The following PACRG variants were observed in gnomAD, a reference collection of about 807,000 sequenced individuals.
PACRG encodes the protein parkin coregulated gene protein.
In PACRG, 29 loss-of-function variants were observed where a neutral mutation model predicts 29.7. The observed-to-expected ratio is 0.98, with a 90% CI of 0.73 to 1.33. The LOEUF (loss-of-function observed/expected upper bound fraction) is 1.33, where lower values mean the gene tolerates loss of function less well. PACRG is among the 40% of genes most tolerant of loss of function. The probability of loss-of-function intolerance (pLI) is 0.00; values close to 1 mark genes in which losing one functional copy is unlikely to be tolerated. For synonymous variants in PACRG, 116 were observed against 118.7 expected (o/e 0.98, Z 0.15); for missense variants, 279 against 316.2 (o/e 0.88, Z 0.89).
At chr6:163,102,367 A>C (rs983967958) in intron 4 of PACRG, among the ~76,000 whole-genome samples, 1 of 152,196 alleles carries the variant, frequency 6.6e-6, no homozygotes, top group East Asian at 1.9e-4. Context: ...CTCTTAGCTA[A>C]TGAAACAGTG....
At chr6:162,917,136 G>C (rs890789303) in intron 2 of PACRG, among the ~76,000 whole-genome samples, 3 of 152,266 alleles carry the variant, frequency 2.0e-5, no homozygotes, top group South Asian at 2.1e-4. Flanking sequence ...AATTATCCAT[G>C]TTATTTTGAG....
At chr6:163,144,552 T>C (rs1777718360) in intron 4 of PACRG, among the ~76,000 whole-genome samples, 1 of 152,088 alleles carries the variant, frequency 6.6e-6, no homozygotes. Context: ...GTGGATCACC[T>C]GAGGTCAGGA....
chr6:162,766,216 C>T (rs974044689), intron 1 of PACRG, among the ~76,000 whole-genome samples: 1 of 152,174 alleles, frequency 6.6e-6, no homozygotes, highest in Admixed American at 6.5e-5. Flanking sequence ...AACGCCTCCT[C>T]TTTCCCTGCC....
intron 2 of PACRG, among the ~76,000 whole-genome samples, chr6:162,974,178 AG>A: frequency 1.3e-5 from 2 of 152,204 alleles, no homozygotes; most frequent in African/African-American, 4.8e-5. Flanking sequence ...GTTTCAACAC[AG>A]CTGTCCTTTC....
At chr6:163,286,215 C>A (rs1207761779) in intron 4 of PACRG, among the ~76,000 whole-genome samples, 4 of 152,120 alleles carry the variant, frequency 2.6e-5, no homozygotes, top group Non-Finnish European at 5.9e-5. Context: ...GAGCTCACAT[C>A]TGTTACAATT....
chr6:162,852,481 G>A (rs1420626963), intron 2 of PACRG, among the ~76,000 whole-genome samples: 1 of 152,220 alleles, frequency 6.6e-6, no homozygotes, highest in African/African-American at 2.4e-5. Context: ...AATTTGTCCT[G>A]AACCCTGGCA....
intron 2 of PACRG, among the ~76,000 whole-genome samples, chr6:162,887,149 C>T (rs1794405916): frequency 6.6e-6 from 1 of 152,194 alleles, no homozygotes; most frequent in African/African-American, 2.4e-5. Flanking sequence ...CATGTGCTCA[C>T]CATCATAAGG....
intron 4 of PACRG, among the ~76,000 whole-genome samples, chr6:163,155,185 C>A (rs1778261302): frequency 6.6e-6 from 1 of 152,174 alleles, no homozygotes; most frequent in Admixed American, 6.5e-5. Flanking sequence ...AGTGAATGCC[C>A]AAACAGGCAT....
At chr6:163,172,032 C>T (rs1245711048) in intron 4 of PACRG, among the ~76,000 whole-genome samples, 1 of 152,212 alleles carries the variant, frequency 6.6e-6, no homozygotes, top group African/African-American at 2.4e-5. Context: ...TACCTGGGGT[C>T]TGGCCCCGTA....
intron 2 of PACRG, among the ~76,000 whole-genome samples, chr6:163,019,019 A>G (rs929295449): frequency 6.6e-6 from 1 of 151,830 alleles, no homozygotes; most frequent in Non-Finnish European, 1.5e-5. Context: ...TTTATTTTGC[A>G]TTTTAAGTTC....
intron 1 of PACRG, among the ~76,000 whole-genome samples, chr6:162,794,535 A>G (rs1785212277): frequency 6.6e-6 from 1 of 152,100 alleles, no homozygotes; most frequent in Admixed American, 6.6e-5. Context: ...AAAATAATAA[A>G]GATTTTTTTC....
At chr6:162,737,430 A>G (rs1356188856) in intron 1 of PACRG, among the ~76,000 whole-genome samples, 3 of 152,210 alleles carry the variant, frequency 2.0e-5, no homozygotes, top group Non-Finnish European at 1.5e-5. Flanking sequence ...GATGGGGAAG[A>G]TCTCAGAAAA....
chr6:163,243,518 A>G (rs1320323278), intron 4 of PACRG, among the ~76,000 whole-genome samples: 3 of 152,046 alleles, frequency 2.0e-5, no homozygotes, highest in African/African-American at 7.2e-5. Flanking sequence ...TTCATTTCCA[A>G]GACTGTGTAG....
intron 1 of PACRG, among the ~76,000 whole-genome samples, chr6:162,760,757 G>A (rs1456154685): frequency 6.6e-6 from 1 of 152,106 alleles, no homozygotes; most frequent in Non-Finnish European, 1.5e-5. Context: ...CCCCAGGTGG[G>A]ACGGGCCGTT....
chr6:162,861,558 C>A (rs112514709), intron 2 of PACRG, among the ~76,000 whole-genome samples: 1 of 152,032 alleles, frequency 6.6e-6, no homozygotes, highest in Non-Finnish European at 1.5e-5. Context: ...CCTATCAAAG[C>A]GAAAGCAACT....
chr6:163,315,282 T>C lies in PACRG; in HGVS notation c.*295T>C, dbSNP rs769204887. On this transcript the variant is annotated 3_prime_UTR_variant, in exon 5 of 5. Coordinates refer to ENST00000366888, the MANE Select transcript of PACRG (RefSeq NM_001080379.2). ...AGTCCGAGTTAAACCTTCAGTTGTATAGACAATAAACTATAATTTTCATAT... is the reference window on the plus strand; with the variant it reads ...AGTCCGAGTTAAACCTTCAGTTGTACAGACAATAAACTATAATTTTCATAT... 7.9e-6 allele frequency: 2 copies of C among 254,312 alleles called. No individual in the cohort carries two copies. Among genetic ancestry groups the C allele is most frequent in the Non-Finnish European group, 1.5e-5 (2 of 133,554 alleles). 15.8% of individuals were successfully genotyped at this position (254,312 alleles called of 1,614,324 possible).
intron 4 of PACRG, among the ~76,000 whole-genome samples, chr6:163,212,935 C>T (rs1003679427): frequency 1.1e-4 from 17 of 152,258 alleles, no homozygotes; most frequent in Non-Finnish European, 1.8e-4. Flanking sequence ...CCCACCACCA[C>T]GCCCAGCTAA....
At chr6:162,807,437 C>T (rs928704888) in intron 1 of PACRG, among the ~76,000 whole-genome samples, 21 of 152,064 alleles carry the variant, frequency 1.4e-4, no homozygotes, top group Non-Finnish European at 2.4e-4. Context: ...TGACTCTTCC[C>T]TTCATTCGAA....
chr6:163,031,314 G>A (rs9346947), intron 2 of PACRG, among the ~76,000 whole-genome samples: 41,946 of 152,066 alleles, frequency 0.28, 6,721 homozygotes, highest in East Asian at 0.68. Context: ...AACCAAGCTG[G>A]TAGGGGGTTG....
Sources: allele counts gnomAD v4.1 joint callset (sites outside exome capture counted in the v4.1 genomes callset), GRCh38; gene constraint gnomAD v4.1.1; transcripts MANE v1.5; gene names NCBI Gene and HGNC (gene_info 2026-07-23, HGNC 2026-07-21).